RANBP2: variants seen among roughly 807,000 people sequenced by gnomAD.
RANBP2 encodes the protein E3 SUMO-protein ligase RanBP2.
Under a neutral mutation model 303.6 loss-of-function variants are expected in RANBP2, and 57 were observed. That is an observed-to-expected ratio of 0.19 (90% CI 0.15 to 0.23). The LOEUF is 0.23. RANBP2 is among the 10% of genes least tolerant of loss of function. The pLI, the probability that RANBP2 is intolerant of heterozygous loss-of-function variation, is 1.00. For missense variants in RANBP2, 3,138 were observed against 3,780.8 expected (o/e 0.83, Z 4.46); for synonymous variants, 1,167 against 1,301.5 (o/e 0.90, Z 2.23).
chr2:109,522,294 C>CT, the RANBP2 span, among the ~76,000 whole-genome samples: 294 of 142,888 alleles, frequency 2.1e-3, no homozygotes, highest in East Asian at 5.5e-3. Context: ...AAAAAAAAAC[C>CT]TTTTTTTTTT....
the RANBP2 span, among the ~76,000 whole-genome samples, chr2:109,154,342 G>A: frequency 6.6e-6 from 1 of 152,172 alleles, no homozygotes; most frequent in African/African-American, 2.4e-5. Context: ...TATCATGGAG[G>A]GGGTGGTTTT....
At chr2:108,886,690 G>A in the RANBP2 span, among the ~76,000 whole-genome samples, 3 of 151,948 alleles carry the variant, frequency 2.0e-5, no homozygotes, top group Admixed American at 2.0e-4. Context: ...GGGATTACAG[G>A]TGTGAGCCAC....
At chr2:109,715,428 A>G in the RANBP2 span, among the ~76,000 whole-genome samples, 1 of 152,164 alleles carries the variant, frequency 6.6e-6, no homozygotes, top group Non-Finnish European at 1.5e-5. Context: ...AGAGTGGCTC[A>G]CAGAACTCAG....
the RANBP2 span, among the ~76,000 whole-genome samples, chr2:109,061,262 C>T: frequency 5.3e-5 from 8 of 151,994 alleles, no homozygotes; most frequent in African/African-American, 1.7e-4. Context: ...ACACAGATTC[C>T]CAAGCTTAGG....
At chr2:109,141,620 T>G in the RANBP2 span, 5 of 154,906 alleles carry the variant, frequency 3.2e-5, no homozygotes, top group African/African-American at 1.2e-4. Context: ...GATGTGAATT[T>G]AGGGTGCAGA....
At chr2:108,853,961 TAATAA>T in the RANBP2 span, among the ~76,000 whole-genome samples, 1 of 117,692 alleles carries the variant, frequency 8.5e-6, no homozygotes. Flanking sequence ...TAAATATATA[TAATAA>T]AATATATATA....
At chr2:109,613,026 T>G in the RANBP2 span, 1 of 521,338 alleles carries the variant, frequency 1.9e-6, no homozygotes, top group African/African-American at 1.9e-5. Context: ...ACCACCAATG[T>G]TTACTATCAA....
At chr2:109,002,754 T>C in the RANBP2 span, among the ~76,000 whole-genome samples, 2 of 152,170 alleles carry the variant, frequency 1.3e-5, no homozygotes, top group Middle Eastern at 3.2e-3. Flanking sequence ...GTGGGATAGA[T>C]AACAATCCTT....
chr2:108,773,555 T>TA (rs1381390802), intron 23 of RANBP2, among the ~76,000 whole-genome samples: 4 of 152,088 alleles, frequency 2.6e-5, no homozygotes, highest in African/African-American at 7.2e-5. Flanking sequence ...ATATACTGTT[T>TA]ATGGATTGGA....
chr2:109,500,191 T>C, the RANBP2 span, among the ~76,000 whole-genome samples: 1 of 152,052 alleles, frequency 6.6e-6, no homozygotes, highest in African/African-American at 2.4e-5. Flanking sequence ...CCTTGAGCTG[T>C]TAGAAGCTAT....
At chr2:108,974,322 T>A in the RANBP2 span, among the ~76,000 whole-genome samples, 183 of 87,154 alleles carry the variant, frequency 2.1e-3, 1 homozygote, top group African/African-American at 8.3e-3. Flanking sequence ...AGAGCGAGGA[T>A]CCGTCTCAAA....
At chr2:109,365,658 C>A in the RANBP2 span, among the ~76,000 whole-genome samples, 1 of 152,064 alleles carries the variant, frequency 6.6e-6, no homozygotes, top group Admixed American at 6.6e-5. Flanking sequence ...GTTACTGTGG[C>A]GGTTGTATTT....
chr2:109,221,239 A>C, the RANBP2 span, among the ~76,000 whole-genome samples: 1 of 152,182 alleles, frequency 6.6e-6, no homozygotes, highest in African/African-American at 2.4e-5. Flanking sequence ...TTTCTTTTCA[A>C]TAACAGCCAT....
chr2:109,065,915 C>G, the RANBP2 span, among the ~76,000 whole-genome samples: 2 of 152,118 alleles, frequency 1.3e-5, no homozygotes, highest in Admixed American at 6.5e-5. Context: ...TTTTTCCACT[C>G]TAGTCTTCAG....
At chr2:109,281,244 G>T in the RANBP2 span, among the ~76,000 whole-genome samples, 1 of 152,244 alleles carries the variant, frequency 6.6e-6, no homozygotes, top group Non-Finnish European at 1.5e-5. Flanking sequence ...ACACTTAGGG[G>T]CACAAACACA....
At chr2:108,833,164 A>G in the RANBP2 span, among the ~76,000 whole-genome samples, 1 of 152,228 alleles carries the variant, frequency 6.6e-6, no homozygotes, top group Non-Finnish European at 1.5e-5. Context: ...ATTTCCTGTG[A>G]TACATGGTGG....
chr2:108,821,492 C>T, the RANBP2 span, among the ~76,000 whole-genome samples: 2 of 151,392 alleles, frequency 1.3e-5, no homozygotes, highest in African/African-American at 4.9e-5. Flanking sequence ...TAATTGATTG[C>T]AAAGAAAATA....
chr2:109,670,444 T>C, the RANBP2 span, among the ~76,000 whole-genome samples: 3 of 151,084 alleles, frequency 2.0e-5, no homozygotes, highest in African/African-American at 7.3e-5. Context: ...TTGGGTGCGA[T>C]AACTTGGGCA....
At chr2:109,477,334 A>G in the RANBP2 span, among the ~76,000 whole-genome samples, 1 of 152,106 alleles carries the variant, frequency 6.6e-6, no homozygotes, top group Non-Finnish European at 1.5e-5. Context: ...CCTGCCCTCC[A>G]TGAAAAAAGT....
Sources: allele counts gnomAD v4.1 joint callset (sites outside exome capture counted in the v4.1 genomes callset), GRCh38; gene constraint gnomAD v4.1.1; transcripts MANE v1.5; gene names NCBI Gene and HGNC (gene_info 2026-07-23, HGNC 2026-07-21).